Variants in ABCA13 observed in about 807,000 individuals in gnomAD.
ABCA13 encodes ATP-binding cassette sub-family A member 13.
A neutral mutation model predicts 478.7 loss-of-function variants in ABCA13; 476 were observed. That is an observed-to-expected ratio of 0.99 (90% CI 0.92 to 1.07). ABCA13 has a LOEUF of 1.07. Among genes scored for constraint, ABCA13 ranks in the 50% least tolerant of loss-of-function variants. The pLI is 0.00. For synonymous variants in ABCA13, 2,252 were observed against 2,158.9 expected (o/e 1.04, Z -1.20); for missense variants, 6,060 against 5,910.6 (o/e 1.03, Z -0.83).
chr7:48,290,999 G>T (rs115121004), intron 20 of ABCA13, among the ~76,000 whole-genome samples: 2,141 of 144,186 alleles, frequency 0.015, 20 homozygotes, highest in Middle Eastern at 0.056. Flanking sequence ...GAGTGTGAAA[G>T]TCCAAGGGCT....
intron 59 of ABCA13, among the ~76,000 whole-genome samples, chr7:48,630,052 G>A (rs1363622456): frequency 6.6e-6 from 1 of 151,988 alleles, no homozygotes; most frequent in African/African-American, 2.4e-5. Context: ...GAGTTTCCTA[G>A]ATTTAAAATT....
chr7:48,645,513 G>C lies in ABCA13; in HGVS notation c.*1G>C. Reference sequence around the variant, plus strand: ...CCACACACATCACTTGCCCATCTGAGCACTAAAGAAGTTTCCATAAGGAAT... The same window carrying C: ...CCACACACATCACTTGCCCATCTGACCACTAAAGAAGTTTCCATAAGGAAT... On this transcript the variant is annotated 3_prime_UTR_variant, in exon 62 of 62. Transcript: ENST00000435803. The C allele has an allele frequency of 6.4e-7, 1 of 1,574,494 alleles. No individual in the cohort carries two copies. The highest frequency in any genetic ancestry group is 1.2e-5 in the South Asian group (1 of 85,384).
intron 19 of ABCA13, among the ~76,000 whole-genome samples, chr7:48,286,522 TCAGA>T (rs1562969396): frequency 6.6e-6 from 1 of 151,366 alleles, no homozygotes; most frequent in Non-Finnish European, 1.5e-5. Context: ...CTTCCTTTTT[TCAGA>T]CAGAGTCTCG....
chr7:48,499,218 G>T (rs1320487007), intron 48 of ABCA13, among the ~76,000 whole-genome samples: 1 of 152,158 alleles, frequency 6.6e-6, no homozygotes, highest in Admixed American at 6.5e-5. Flanking sequence ...AAAACGCCTT[G>T]TAGTCAGAAG....
At chr7:48,294,507 C>T (rs140715474) in intron 20 of ABCA13, among the ~76,000 whole-genome samples, 3,085 of 146,272 alleles carry the variant, frequency 0.021, 51 homozygotes, top group Non-Finnish European at 0.033. Flanking sequence ...ACTGCAGTGG[C>T]GCAATCTCGG....
intron 55 of ABCA13, among the ~76,000 whole-genome samples, chr7:48,555,549 A>G (rs1006744215): frequency 2.0e-5 from 3 of 151,780 alleles, no homozygotes; most frequent in Non-Finnish European, 4.4e-5. Flanking sequence ...TCATGGTTCA[A>G]TCTTGGTAGG....
rs559138302 is a variant in ABCA13 at position 48,463,619 on chromosome 7, T to C, written c.12816-3337T>C. ...GTAGAGATGATGGCCCTGAATTTGC[T>C]TGGCTAGTAGCAAATCCCATAGAGC... On this transcript the variant is annotated intron_variant, in intron 43 of 61. Coordinates refer to ENST00000435803, the MANE Select transcript of ABCA13 (RefSeq NM_152701.5). Among the ~76,000 whole-genome samples, 8 of 152,268 alleles carry C rather than the reference T, an allele frequency of 5.3e-5. No homozygotes were observed. The East Asian group carries it at 1.4e-3, about 26-fold the overall frequency.
At chr7:48,443,044 C>T (rs534956164) in intron 42 of ABCA13, among the ~76,000 whole-genome samples, 18 of 152,152 alleles carry the variant, frequency 1.2e-4, no homozygotes, top group South Asian at 4.2e-4. Context: ...AGGAAATGTA[C>T]GCATAAAAAG....
chr7:48,257,321 G>A (rs1793542824), intron 15 of ABCA13, among the ~76,000 whole-genome samples: 1 of 152,080 alleles, frequency 6.6e-6, no homozygotes, highest in South Asian at 2.1e-4. Flanking sequence ...GCTCTGGATA[G>A]GACTTTCAGT....
Position 48,524,335 on chromosome 7 carries a change from C to G in ABCA13, c.14139C>G (p.Thr4713=). The G allele has an allele frequency of 1.2e-6, 2 of 1,613,076 alleles. No individual in the cohort carries two copies. Among genetic ancestry groups the G allele is most frequent in the Non-Finnish European group, 1.7e-6 (2 of 1,179,454 alleles). The change falls in exon 54 of 62, where the codon ACC becomes ACG. Residue 4713 remains threonine (T), a synonymous_variant. Coordinates refer to ENST00000435803, the MANE Select transcript of ABCA13 (RefSeq NM_152701.5). ...KEEKRVFEGR[T]NGDILVLYNL... is the part of the protein sequence containing the mutation. ...AAAAGAGAGTGTTTGAAGGAAGGAC[C>G]AATGGAGACATTCTTGTGTTATACA...
chr7:48,524,936 C>T (rs2131007630), intron 54 of ABCA13, among the ~76,000 whole-genome samples: 1 of 152,226 alleles, frequency 6.6e-6, no homozygotes, highest in South Asian at 2.1e-4. Context: ...CTGACAGAAG[C>T]CATATAAATT....
At chr7:48,485,982 G>T (rs901672938) in intron 47 of ABCA13, among the ~76,000 whole-genome samples, 1 of 152,110 alleles carries the variant, frequency 6.6e-6, no homozygotes, top group Non-Finnish European at 1.5e-5. Flanking sequence ...CCTGCTTCCT[G>T]CCTGTGGACA....
rs183728237 is a variant in ABCA13, at chr7:48,281,657, C to T, written c.8836+205C>T. Among the ~76,000 whole-genome samples the T allele has an allele frequency of 3.9e-5, 6 of 151,934 alleles. No individual in the cohort carries two copies. The East Asian group carries it at 7.8e-4, about 20-fold the overall frequency. ...TCTACTCCAGCCAAATTGAACGGCC[C>T]GTTCCTGCGCCTTTGCTGGGTTTTC... On this transcript the variant is annotated intron_variant, in intron 19 of 61. Coordinates refer to ENST00000435803, the MANE Select transcript of ABCA13 (RefSeq NM_152701.5).
chr7:48,287,883 A>C (rs923001675), intron 19 of ABCA13, 77 bp from the exon 20 acceptor site: 4 of 1,109,596 alleles, frequency 3.6e-6, no homozygotes, highest in African/African-American at 1.6e-5. Flanking sequence ...TGAATCTTTA[A>C]AAAGTGATTT....
intron 19 of ABCA13, among the ~76,000 whole-genome samples, chr7:48,287,588 A>G (rs1797939696): frequency 6.6e-6 from 1 of 152,176 alleles, no homozygotes; most frequent in Non-Finnish European, 1.5e-5. Flanking sequence ...AAACTGGGGC[A>G]CTTTTGAGAA....
At chr7:48,643,538 C>CTA (rs1795251906) in intron 60 of ABCA13, 145 bp downstream of exon 60, 2 of 658,554 alleles carry the variant, frequency 3.0e-6, no homozygotes, top group Non-Finnish European at 5.1e-6. Flanking sequence ...CCCTGCCTCC[C>CTA]TACCAAAAAT....
intron 58 of ABCA13, among the ~76,000 whole-genome samples, 158 bp downstream of exon 58, chr7:48,594,971 G>A (rs112319127): frequency 3.9e-5 from 6 of 152,308 alleles, no homozygotes; most frequent in Non-Finnish European, 8.8e-5. Flanking sequence ...TGTATAAATT[G>A]AGACTGAAGC....
intron 19 of ABCA13, among the ~76,000 whole-genome samples, chr7:48,283,721 G>A (rs1217593219): frequency 1.3e-5 from 2 of 152,186 alleles, no homozygotes; most frequent in Admixed American, 6.5e-5. Context: ...TCACGATGGG[G>A]CACTCAGGAT....
chr7:48,267,376 T>G (rs1295748425), intron 15 of ABCA13, among the ~76,000 whole-genome samples: 1 of 152,146 alleles, frequency 6.6e-6, no homozygotes, highest in Admixed American at 6.5e-5. Flanking sequence ...TGTTATATGT[T>G]CTTGATTGAT....
Sources: gnomAD v4.1 joint callset for allele counts (sites outside exome capture counted in the v4.1 genomes callset) on GRCh38, gnomAD v4.1.1 for gene constraint, MANE v1.5 for transcripts, NCBI Gene and HGNC (gene_info 2026-07-23, HGNC 2026-07-21) for gene names.